CRISPLD2: variants seen among roughly 807,000 people sequenced by gnomAD.
The protein encoded by CRISPLD2 is cysteine-rich secretory protein LCCL domain-containing 2.
In CRISPLD2, 47 loss-of-function variants were observed where a neutral mutation model predicts 71.1. That is an observed-to-expected ratio of 0.66 (90% CI 0.52 to 0.84). The LOEUF (loss-of-function observed/expected upper bound fraction) is 0.84. CRISPLD2 is among the 40% of genes least tolerant of loss of function. The probability of loss-of-function intolerance (pLI) is 0.00; values close to 1 mark genes in which losing one functional copy is unlikely to be tolerated. For synonymous variants in CRISPLD2, 317 were observed against 250.1 expected (o/e 1.27, Z -2.52); for missense variants, 830 against 651.1 (o/e 1.27, Z -2.99).
At chr16:84,854,348 C>G (rs1917173407) in intron 5 of CRISPLD2, among the ~76,000 whole-genome samples, 1 of 151,970 alleles carries the variant, frequency 6.6e-6, no homozygotes, top group African/African-American at 2.4e-5. Context: ...TGGCTTTACA[C>G]ATTTGAGAAA....
At chr16:84,864,310 C>T (rs1277252686) in intron 6 of CRISPLD2, among the ~76,000 whole-genome samples, 1 of 152,212 alleles carries the variant, frequency 6.6e-6, no homozygotes, top group Non-Finnish European at 1.5e-5. Flanking sequence ...GTGTGAGAGC[C>T]AGGACTGTCT....
chr16:84,902,863 C>T (rs1397473292), intron 14 of CRISPLD2, among the ~76,000 whole-genome samples: 1 of 148,078 alleles, frequency 6.8e-6, no homozygotes, highest in Admixed American at 6.8e-5. Flanking sequence ...ACCTCCACCT[C>T]CTGGGTTCAA....
rs373699416 is a variant in CRISPLD2 at position 84,850,654 on chromosome 16, G to A, written c.579G>A (p.Ala193=). Residue 193 remains alanine, a synonymous_variant, in exon 5 of 15, where the codon GCG becomes GCA. Transcript: ENST00000262424. ...MTVWGEVWEN[A]VYFVCNYSPK... The stretch of plus-strand genomic sequence containing the variant: ...TCTGGGGAGAAGTTTGGGAGAACGC[G>A]GTCTACTTTGTCTGCAATTATTCTC... 38 of 1,613,956 alleles carry A rather than the reference G, an allele frequency of 2.4e-5. No individual in the cohort carries two copies. Among genetic ancestry groups the A allele is most frequent in the East Asian group, 4.5e-5 (2 of 44,890 alleles).
chr16:84,860,382 C>G (rs996358804), intron 6 of CRISPLD2, among the ~76,000 whole-genome samples: 1 of 152,196 alleles, frequency 6.6e-6, no homozygotes, highest in Non-Finnish European at 1.5e-5. Context: ...AAAATTCAAG[C>G]AGTTCTTTTC....
In CRISPLD2 at chr16:84,838,649, C is replaced by T; in HGVS notation, c.154C>T (p.Pro52Ser). 1 of 1,614,240 alleles carries T rather than the reference C, an allele frequency of 6.2e-7. No individual in the cohort carries two copies. The highest frequency in any genetic ancestry group is 8.5e-7 in the Non-Finnish European group (1 of 1,180,038). Reference sequence around the variant, plus strand: ...TCACTCCCGGGTCCGCAGAGCCATCCCCAGGGAGGACAAGGAGGAGATCCT... The same window carrying T: ...TCACTCCCGGGTCCGCAGAGCCATCTCCAGGGAGGACAAGGAGGAGATCCT... ...ESHSRVRRAI[P>S]REDKEEILML... Residue 52 changes from proline to serine, a missense_variant, in exon 2 of 15, where the codon CCC (proline) becomes TCC (serine). Pro to Ser is a moderately conservative substitution (Grantham distance 74). Transcript: ENST00000262424.
rs186226489 is a variant in CRISPLD2, at chr16:84,906,654, C to T, written c.*12C>T. On this transcript the variant is annotated 3_prime_UTR_variant, in exon 15 of 15. Coordinates refer to ENST00000262424, the MANE Select transcript of CRISPLD2 (RefSeq NM_031476.4). Reference sequence around the variant, plus strand: ...CTGTCAGGCAGTGAATTTCCAGCACCAGGGGAGAAGGGGCGTCTTCAGGAG... The same window carrying T: ...CTGTCAGGCAGTGAATTTCCAGCACTAGGGGAGAAGGGGCGTCTTCAGGAG... 4.2e-5 allele frequency: 67 copies of T among 1,614,104 alleles called. No individual in the cohort carries two copies. The Admixed American group carries it at 6.0e-4, about 14-fold the overall frequency.
intron 14 of CRISPLD2, among the ~76,000 whole-genome samples, chr16:84,893,616 C>T (rs571078496): frequency 6.6e-6 from 1 of 152,332 alleles, no homozygotes; most frequent in East Asian, 1.9e-4. Flanking sequence ...ATGCCAGCAG[C>T]AGGGCCCAGG....
In CRISPLD2 at chr16:84,880,520, C is replaced by G; in HGVS notation, c.1241C>G (p.Pro414Arg). The stretch of plus-strand genomic sequence containing the variant: ...TTCCTGTTTTTCAGAATCCATTGTC[C>G]GGCACACTGCAAAGACGAACCTTCC... ...PATHCPRIHCPAHCKDEPSYW... is the reference protein window; with the variant it reads ...PATHCPRIHCRAHCKDEPSYW... Residue 414 changes from proline (P) to arginine (R), a missense_variant, in exon 13 of 15, where the codon CCG (proline) becomes CGG (arginine). Transcript: ENST00000262424. The G allele has an allele frequency of 3.1e-6, 5 of 1,613,188 alleles. No homozygotes were observed. Among genetic ancestry groups the G allele is most frequent in the Admixed American group, 1.7e-5 (1 of 59,978 alleles).
At chr16:84,903,235 C>T (rs145605541) in intron 14 of CRISPLD2, among the ~76,000 whole-genome samples, 370 of 151,964 alleles carry the variant, frequency 2.4e-3, no homozygotes, top group African/African-American at 8.7e-3. Flanking sequence ...CAGCCTGGCC[C>T]CTTCCTGGAC....
chr16:84,838,375 G>C (rs1916678149), intron 1 of CRISPLD2, 47 bp from the exon 2 acceptor site: 3 of 1,209,482 alleles, frequency 2.5e-6, no homozygotes, highest in Non-Finnish European at 3.5e-6. Context: ...CGCTGTGACC[G>C]GCTCCTACTA....
chr16:84,846,146 TTTTCCTTCTTCCTTTCCTTCTTCC>T (rs150623396), intron 3 of CRISPLD2: 2 of 368,670 alleles, frequency 5.4e-6, no homozygotes, highest in East Asian at 4.3e-5. Flanking sequence ...GTAGTTTGGG[TTTTCCTTCTTCCTTTCCTTCTTCC>T]TTTCCTTCTT....
intron 2 of CRISPLD2, among the ~76,000 whole-genome samples, chr16:84,845,383 C>G (rs973863626): frequency 6.6e-6 from 1 of 152,116 alleles, no homozygotes; most frequent in Non-Finnish European, 1.5e-5. Flanking sequence ...CTGGAACATG[C>G]ATAAGGAGAG....
intron 12 of CRISPLD2, among the ~76,000 whole-genome samples, chr16:84,878,798 C>T (rs566586793): frequency 1.3e-5 from 2 of 152,338 alleles, no homozygotes; most frequent in East Asian, 3.9e-4. Context: ...TATAGATGTT[C>T]CCCAGGGTTC....
intron 2 of CRISPLD2, among the ~76,000 whole-genome samples, chr16:84,844,282 C>T (rs1916852042): frequency 6.6e-6 from 1 of 152,210 alleles, no homozygotes; most frequent in African/African-American, 2.4e-5. Context: ...TCAGGATGGG[C>T]CGTGCTGGGA....
chr16:84,868,591 C>T (rs1961268670), intron 7 of CRISPLD2, among the ~76,000 whole-genome samples: 2 of 152,236 alleles, frequency 1.3e-5, no homozygotes, highest in Non-Finnish European at 2.9e-5. Context: ...TGGGTACTGT[C>T]ACTGTCCGCA....
At chr16:84,862,734 C>G (rs1411426448) in intron 6 of CRISPLD2, among the ~76,000 whole-genome samples, 1 of 141,234 alleles carries the variant, frequency 7.1e-6, no homozygotes, top group Non-Finnish European at 1.5e-5. Flanking sequence ...ACCGAGGGGC[C>G]TTGCAGAGAC....
intron 5 of CRISPLD2, among the ~76,000 whole-genome samples, chr16:84,854,322 C>T (rs1443241445): frequency 6.6e-6 from 1 of 152,076 alleles, no homozygotes; most frequent in Non-Finnish European, 1.5e-5. Context: ...AAACGCAAGC[C>T]GTCTCTGGGA....
intron 11 of CRISPLD2, among the ~76,000 whole-genome samples, chr16:84,876,624 C>G (rs535416563): frequency 6.6e-4 from 100 of 152,180 alleles, no homozygotes; most frequent in African/African-American, 2.1e-3. Flanking sequence ...GAAACCCTGT[C>G]TCTACTGAAA....
At chr16:84,857,462 T>C (rs543264928) in intron 6 of CRISPLD2, among the ~76,000 whole-genome samples, 2 of 152,350 alleles carry the variant, frequency 1.3e-5, no homozygotes, top group East Asian at 3.9e-4. Flanking sequence ...GTCATGCTTC[T>C]TCCAAGTCCC....
Sources: gnomAD v4.1 joint callset for allele counts (sites outside exome capture counted in the v4.1 genomes callset) on GRCh38, gnomAD v4.1.1 for gene constraint, MANE v1.5 for transcripts, NCBI Gene and HGNC (gene_info 2026-07-23, HGNC 2026-07-21) for gene names.